The following CPLANE1 variants were observed in gnomAD, a reference collection of about 807,000 sequenced individuals.
The protein encoded by CPLANE1 is ciliogenesis and planar polarity effector 1.
Under a neutral mutation model 362.5 loss-of-function variants are expected in CPLANE1, and 263 were observed. The observed-to-expected ratio is 0.73, with a 90% CI of 0.66 to 0.80. CPLANE1 has a LOEUF of 0.80. Ranked by LOEUF, CPLANE1 falls within the 30% of genes least tolerant of loss-of-function variation. The pLI, the probability that CPLANE1 is intolerant of heterozygous loss-of-function variation, is 0.00. For missense variants in CPLANE1, 3,461 were observed against 3,793.4 expected, an observed-to-expected ratio of 0.91 and a Z score of 2.30; for synonymous variants, 1,212 against 1,302.6, an observed-to-expected ratio of 0.93 and a Z score of 1.50.
intron 51 of CPLANE1, among the ~76,000 whole-genome samples, chr5:37,114,168 A>T (rs187100615): frequency 6.6e-6 from 1 of 152,162 alleles, no homozygotes; most frequent in Admixed American, 6.5e-5. Context: ...TTTTCTTTCA[A>T]TGGGGATAAC....
At chr5:37,191,734 T>C (rs1441946302) in intron 21 of CPLANE1, among the ~76,000 whole-genome samples, 1 of 152,150 alleles carries the variant, frequency 6.6e-6, no homozygotes, top group Non-Finnish European at 1.5e-5. Context: ...CTCAAGGGGC[T>C]GAGGTTAGAG....
chr5:37,218,014 C>T (rs915242788), intron 15 of CPLANE1, among the ~76,000 whole-genome samples: 1 of 151,802 alleles, frequency 6.6e-6, no homozygotes. Context: ...ATAATAGAAA[C>T]CCTATTTAAT....
intron 21 of CPLANE1, among the ~76,000 whole-genome samples, chr5:37,190,086 G>A (rs73750950): frequency 0.16 from 23,698 of 151,930 alleles, 2,257 homozygotes; most frequent in African/African-American, 0.26. Context: ...ACTTCATATG[G>A]GTGTGTGCAT....
At chr5:37,111,722 A>AT (rs1312426995) in intron 51 of CPLANE1, among the ~76,000 whole-genome samples, 1 of 152,148 alleles carries the variant, frequency 6.6e-6, no homozygotes, top group Non-Finnish European at 1.5e-5. Context: ...AAGGTTTGAC[A>AT]TTTTTTCTGC....
intron 43 of CPLANE1, among the ~76,000 whole-genome samples, chr5:37,143,440 C>G (rs924437722): frequency 6.6e-6 from 1 of 151,990 alleles, no homozygotes; most frequent in East Asian, 1.9e-4. Flanking sequence ...GACACAACAT[C>G]CAAAGAGCAG....
chr5:37,242,161 T>C (rs1035579691), intron 6 of CPLANE1, among the ~76,000 whole-genome samples: 1 of 151,962 alleles, frequency 6.6e-6, no homozygotes, highest in African/African-American at 2.4e-5. Context: ...CAAGACCACC[T>C]GACTAACATG....
At position 37,107,204 on chromosome 5, in the gene CPLANE1, A is replaced by G. The variant is rs1757790552; in HGVS notation, c.*398T>C. 1.0e-6 allele frequency: 1 copy of G among 989,748 alleles called. No homozygotes were observed. The highest frequency in any genetic ancestry group is 1.2e-6 in the Non-Finnish European group (1 of 833,004). The allele number at this position is 989,748 out of a possible 1,614,324, so 61.3% of individuals were successfully genotyped here. Reference sequence around the variant, plus strand: ...GGTGAGACTGATTTTCTTCTCAATGAAAAGATTTTTTTTTTTCCTATTAGA... The same window carrying G: ...GGTGAGACTGATTTTCTTCTCAATGGAAAGATTTTTTTTTTTCCTATTAGA... On this transcript the variant is annotated 3_prime_UTR_variant, in exon 53 of 53. Coordinates refer to ENST00000651892, the MANE Select transcript of CPLANE1 (RefSeq NM_001384732.1).
chr5:37,152,376 G>A lies in CPLANE1; in HGVS notation c.8373+1364C>T, dbSNP rs143056030. 2.2e-3 allele frequency among the ~76,000 whole-genome samples: 338 copies of A among 151,998 alleles called. 8 individuals carry two copies. Among genetic ancestry groups the A allele is most frequent in the South Asian group, 0.022 (106 of 4,808 alleles). On this transcript the variant is annotated intron_variant, in intron 42 of 52. Coordinates refer to ENST00000651892, the MANE Select transcript of CPLANE1 (RefSeq NM_001384732.1). The stretch of plus-strand genomic sequence containing the variant: ...TTTTATGGAGATGAGGTCTCGCTAC[G>A]TTGCCTGGGCTGATCTCAAACTCCT...
In CPLANE1 at chr5:37,153,862, G is replaced by C. The variant is rs1248343536; in HGVS notation, c.8251C>G (p.Leu2751Val). 6.2e-7 allele frequency: 1 copy of C among 1,614,010 alleles called. No individual in the cohort carries two copies. Among genetic ancestry groups the C allele is most frequent in the Non-Finnish European group, 8.5e-7 (1 of 1,180,032 alleles). Residue 2751 changes from leucine (L) to valine (V), a missense_variant, in exon 42 of 53, where the codon CTA becomes GTA. Around this residue, in one of 2 missense-constraint regions of CPLANE1, gnomAD observed 3,380 missense variants for 3,666.1 expected, o/e 0.92. Transcript: ENST00000651892. The part of the protein sequence containing the change: ...CPAPSSAAHQ[L>V]EHLSAKLQKI... ...TGAAGCTTAGCACTGAGATGCTCTA[G>C]TTGGTGAGCTGCAGAGCTTGGTGCA...
At chr5:37,098,088 G>A in the CPLANE1 span, among the ~76,000 whole-genome samples, 1 of 151,984 alleles carries the variant, frequency 6.6e-6, no homozygotes, top group African/African-American at 2.4e-5. Flanking sequence ...TCATATTTGG[G>A]TACTTTAAAA....
At chr5:37,196,030 T>C (rs1470130834) in intron 20 of CPLANE1, 34 bp from the exon 21 acceptor site, 2 of 1,560,362 alleles carry the variant, frequency 1.3e-6, no homozygotes, top group Admixed American at 4.0e-5. Flanking sequence ...ATGTTAATTA[T>C]CAGCTGTATA....
Position 37,206,275 on chromosome 5 carries a change from T to C in CPLANE1, c.3071A>G (p.Lys1024Arg), listed in dbSNP as rs1471953664. ...LVPEAVWLAY[K>R]LGDWKTSVSI... Reference sequence around the variant, plus strand: ...AACAGACGTCTTCCAGTCTCCAAGTTTATATGCCAACCACACAGCCTCTGG... The same window carrying C: ...AACAGACGTCTTCCAGTCTCCAAGTCTATATGCCAACCACACAGCCTCTGG... The change falls in exon 17 of 53, where the codon AAA becomes AGA. Residue 1024 changes from lysine to arginine, a missense_variant. Transcript: ENST00000651892. 6.4e-7 allele frequency: 1 copy of C among 1,551,760 alleles called. No homozygotes were observed. The highest frequency in any genetic ancestry group is 2.0e-5 in the Admixed American group (1 of 51,016).
At position 37,121,722 on chromosome 5, in the gene CPLANE1, A is replaced by G. The variant is rs771321110; in HGVS notation, c.9080T>C (p.Leu3027Pro). 9 of 1,613,918 alleles carry G rather than the reference A, an allele frequency of 5.6e-6. No homozygotes were observed. The highest frequency in any genetic ancestry group is 3.4e-6 in the Non-Finnish European group (4 of 1,179,870). Reference sequence around the variant, plus strand: ...TGGTAGCTGTACTGACTCAGATAACAGTTCATTCATCAGACCGTACGCTTG... The same window carrying G: ...TGGTAGCTGTACTGACTCAGATAACGGTTCATTCATCAGACCGTACGCTTG... Reference protein sequence around the residue: ...ISQAYGLMNELLSESVQLPTL... With the variant: ...ISQAYGLMNEPLSESVQLPTL... Residue 3027 changes from leucine (L) to proline (P), a missense_variant, in exon 49 of 53, where the codon CTG becomes CCG. Around this residue, in one of 2 missense-constraint regions of CPLANE1, gnomAD observed 3,380 missense variants for 3,666.1 expected, o/e 0.92. Transcript: ENST00000651892.
intron 16 of CPLANE1, among the ~76,000 whole-genome samples, chr5:37,206,932 C>T (rs1246403834): frequency 6.6e-6 from 1 of 151,040 alleles, no homozygotes; most frequent in African/African-American, 2.4e-5. Flanking sequence ...CTTTGTGTTA[C>T]CCACAGTGTT....
intron 51 of CPLANE1, 42 bp from the exon 52 acceptor site, chr5:37,108,513 A>G (rs764579719): frequency 3.3e-6 from 5 of 1,494,028 alleles, no homozygotes; most frequent in African/African-American, 2.8e-5. Flanking sequence ...GGATTGATTC[A>G]TTCATTCATT....
chr5:37,115,718 T>C (rs993516195), intron 50 of CPLANE1, among the ~76,000 whole-genome samples: 2 of 151,488 alleles, frequency 1.3e-5, no homozygotes, highest in Non-Finnish European at 2.9e-5. Context: ...TGCCTCAGCT[T>C]CCCGAGCAGC....
the CPLANE1 span, among the ~76,000 whole-genome samples, chr5:37,081,424 G>A: frequency 2.0e-5 from 3 of 152,100 alleles, no homozygotes; most frequent in African/African-American, 7.2e-5. Flanking sequence ...CCGAGTTCAA[G>A]TGATTCTCCT....
In CPLANE1 at chr5:37,242,360, A is replaced by C. The variant is rs1280670696; in HGVS notation, c.677+653T>G. Reference sequence around the variant, plus strand: ...CAGAGCAAGACTCCATCTCAAAAAAAAAAAATGCATATTTTCTATTTTATT... The same window carrying C: ...CAGAGCAAGACTCCATCTCAAAAAACAAAAATGCATATTTTCTATTTTATT... On this transcript the variant is annotated intron_variant, in intron 6 of 52. Coordinates refer to ENST00000651892, the MANE Select transcript of CPLANE1 (RefSeq NM_001384732.1). Among the ~76,000 whole-genome samples, 7 of 152,314 alleles carry C rather than the reference A, an allele frequency of 4.6e-5. No homozygotes were observed. The East Asian group carries it at 1.4e-3, about 29-fold the overall frequency.
At chr5:37,154,459 CTTTTTTTTTTTTTTTTTT>C (rs35522666) in intron 41 of CPLANE1, among the ~76,000 whole-genome samples, 1 of 84,622 alleles carries the variant, frequency 1.2e-5, no homozygotes, top group Non-Finnish European at 2.1e-5. Flanking sequence ...TGCAATAGTT[CTTTTTTTTTTTTTTTTTT>C]TTTTTTAAGA....
Sources: gnomAD v4.1 joint callset for allele counts (sites outside exome capture counted in the v4.1 genomes callset) on GRCh38, gnomAD v4.1.1 for gene constraint, gnomAD v4.1.1 regional missense constraint, MANE v1.5 for transcripts, NCBI Gene and HGNC (gene_info 2026-07-23, HGNC 2026-07-21) for gene names.